MNAT1: variants seen among roughly 807,000 people sequenced by gnomAD.
The protein encoded by MNAT1 is MNAT1 component of CDK activating kinase.
A neutral mutation model predicts 42.0 loss-of-function variants in MNAT1; 43 were observed. The ratio of observed to expected loss-of-function variants is 1.02; its 90% CI spans 0.80 to 1.32. The LOEUF (loss-of-function observed/expected upper bound fraction) is 1.32. Ranked by LOEUF, MNAT1 falls within the 40% of genes most tolerant of loss-of-function variation. The probability of loss-of-function intolerance (pLI) is 0.00; values close to 1 mark genes in which losing one functional copy is unlikely to be tolerated. For synonymous variants in MNAT1, 118 were observed against 120.0 expected (o/e 0.98, Z 0.11); for missense variants, 306 against 350.4 (o/e 0.87, Z 1.01).
rs202223643 is a variant in MNAT1 at position 60,808,307 on chromosome 14, G to A, written c.317-18G>A. 2.3e-5 allele frequency: 33 copies of A among 1,462,250 alleles called. 1 individual carries two copies. In the Admixed American group the frequency reaches 3.3e-4, roughly 15 times the overall value. 90.6% of individuals were successfully genotyped at this position (1,462,250 alleles called of 1,614,324 possible). On this transcript the variant is annotated intron_variant, in intron 3 of 7. Coordinates refer to ENST00000261245, the MANE Select transcript of MNAT1 (RefSeq NM_002431.4). ...TATTAAAAATATTTTTCATGTCATC[G>A]TTTCCTTTCTAATGCAGTTTTCAAC...
At chr14:60,867,111 A>G (rs753851481) in intron 6 of MNAT1, among the ~76,000 whole-genome samples, 1 of 152,086 alleles carries the variant, frequency 6.6e-6, no homozygotes, top group Non-Finnish European at 1.5e-5. Context: ...TTGCCAAGTG[A>G]AGATGTATTT....
intron 7 of MNAT1, among the ~76,000 whole-genome samples, chr14:60,930,206 T>TTTATTATTATCA (rs2035857555): frequency 7.2e-6 from 1 of 138,750 alleles, no homozygotes; most frequent in African/African-American, 2.6e-5. Flanking sequence ...TTCTTCCGTC[T>TTTATTATTATCA]TTATTATTAT....
chr14:60,957,207 A>C (rs554453469), intron 7 of MNAT1, among the ~76,000 whole-genome samples: 70 of 152,220 alleles, frequency 4.6e-4, no homozygotes, highest in African/African-American at 1.3e-3. Context: ...TACATAAAAC[A>C]TCTTATAGTT....
chr14:60,879,006 A>G lies in MNAT1; in HGVS notation c.688-708A>G, dbSNP rs553192830. Among the ~76,000 whole-genome samples, 8 of 151,198 alleles carry G rather than the reference A, an allele frequency of 5.3e-5. No homozygotes were observed. In the East Asian group the frequency reaches 1.5e-3, roughly 29 times the overall value. Reference sequence around the variant, plus strand: ...TTGCCTATTGTTTCTGCTGTTAATCATCAGTCCTTTTCAATTAGGGCATGA... The same window carrying G: ...TTGCCTATTGTTTCTGCTGTTAATCGTCAGTCCTTTTCAATTAGGGCATGA... On this transcript the variant is annotated intron_variant, in intron 6 of 7. Transcript: ENST00000261245.
intron 1 of MNAT1, among the ~76,000 whole-genome samples, chr14:60,785,822 C>A (rs1272015946): frequency 6.6e-6 from 1 of 152,130 alleles, no homozygotes; most frequent in Admixed American, 6.5e-5. Flanking sequence ...GGATAGCCAA[C>A]TGTTTAGCTT....
At position 60,968,254 on chromosome 14, in the gene MNAT1, T is replaced by C; in HGVS notation, c.835T>C (p.Ser279Pro). The part of the protein sequence containing the change: ...LGYLNHVRAA[S>P]PQDLAGGYTS... Reference sequence around the variant, plus strand: ...GTATTTAAACCATGTCAGAGCTGCCTCACCACAGGACCTTGCTGGAGGCTA... The same window carrying C: ...GTATTTAAACCATGTCAGAGCTGCCCCACCACAGGACCTTGCTGGAGGCTA... The change falls in exon 8 of 8, where the codon TCA (serine) becomes CCA (proline). Residue 279 changes from serine to proline, a missense_variant. By Grantham distance (74) the Ser-to-Pro change is moderately conservative. Transcript: ENST00000261245. 2 of 1,613,428 alleles carry C rather than the reference T, an allele frequency of 1.2e-6. No individual in the cohort carries two copies. Among genetic ancestry groups the C allele is most frequent in the Non-Finnish European group, 1.7e-6 (2 of 1,179,730 alleles).
chr14:60,957,311 A>G (rs2036504156), intron 7 of MNAT1, among the ~76,000 whole-genome samples: 1 of 152,192 alleles, frequency 6.6e-6, no homozygotes, highest in Non-Finnish European at 1.5e-5. Context: ...GAGACTGGGT[A>G]ATTTATAAAG....
chr14:60,796,514 T>C, intron 2 of MNAT1, 145 bp downstream of exon 2: 1 of 708,040 alleles, frequency 1.4e-6, no homozygotes, highest in Non-Finnish European at 2.2e-6. Flanking sequence ...AACTGAGTAA[T>C]ATTATTTATC....
chr14:60,946,602 G>A (rs1347997856), intron 7 of MNAT1, among the ~76,000 whole-genome samples: 1 of 150,542 alleles, frequency 6.6e-6, no homozygotes, highest in Non-Finnish European at 1.5e-5. Context: ...TAAAGTTATT[G>A]TGTGAAGTCA....
chr14:60,960,743 C>G (rs2036571959), intron 7 of MNAT1, among the ~76,000 whole-genome samples: 1 of 152,114 alleles, frequency 6.6e-6, no homozygotes, highest in African/African-American at 2.4e-5. Flanking sequence ...TATTCCCACC[C>G]CCATATCCAC....
At chr14:60,818,653 A>C in intron 5 of MNAT1, 69 bp from the exon 6 acceptor site, 1 of 1,349,744 alleles carries the variant, frequency 7.4e-7, no homozygotes, top group South Asian at 1.8e-5. Flanking sequence ...ACATAATTTA[A>C]AATAAAAGTC....
chr14:60,952,514 G>A (rs543372186), intron 7 of MNAT1, among the ~76,000 whole-genome samples: 3 of 152,000 alleles, frequency 2.0e-5, no homozygotes, highest in Non-Finnish European at 4.4e-5. Flanking sequence ...TGATGTGAGA[G>A]GTAAATAGAT....
At chr14:60,779,164 A>G (rs2031355865) in intron 1 of MNAT1, among the ~76,000 whole-genome samples, 2 of 152,224 alleles carry the variant, frequency 1.3e-5, no homozygotes, top group African/African-American at 4.8e-5. Flanking sequence ...TTATCACGGT[A>G]TGGACAGAGA....
At chr14:60,943,141 G>A (rs373684737) in intron 7 of MNAT1, among the ~76,000 whole-genome samples, 49 of 135,996 alleles carry the variant, frequency 3.6e-4, no homozygotes, top group East Asian at 9.4e-4. Context: ...TGCAACCTCC[G>A]CCTCCCAGAG....
chr14:60,916,912 C>A (rs1287004043), intron 7 of MNAT1, among the ~76,000 whole-genome samples: 1 of 152,074 alleles, frequency 6.6e-6, no homozygotes, highest in Non-Finnish European at 1.5e-5. Flanking sequence ...GAAATCCTGC[C>A]ACTGCATTCC....
At chr14:60,782,864 A>G (rs948421014) in intron 1 of MNAT1, among the ~76,000 whole-genome samples, 7 of 152,200 alleles carry the variant, frequency 4.6e-5, no homozygotes, top group African/African-American at 1.7e-4. Flanking sequence ...TTGCTCAGGA[A>G]TGAATTTACC....
At chr14:60,955,886 T>G (rs748241144) in intron 7 of MNAT1, among the ~76,000 whole-genome samples, 3 of 152,136 alleles carry the variant, frequency 2.0e-5, no homozygotes, top group Non-Finnish European at 4.4e-5. Context: ...TTTATGTATT[T>G]GAGTCTTCTT....
At chr14:60,890,579 A>G (rs959809818) in intron 7 of MNAT1, among the ~76,000 whole-genome samples, 5 of 152,214 alleles carry the variant, frequency 3.3e-5, no homozygotes, top group African/African-American at 4.8e-5. Context: ...TCTCAAAAGT[A>G]GGGAAGCCGA....
At chr14:60,783,216 T>A (rs1227580312) in intron 1 of MNAT1, among the ~76,000 whole-genome samples, 3 of 152,192 alleles carry the variant, frequency 2.0e-5, no homozygotes, top group Non-Finnish European at 4.4e-5. Context: ...CTCCTGGTTC[T>A]GAAGCTGTGG....
Sources: allele counts gnomAD v4.1 joint callset (sites outside exome capture counted in the v4.1 genomes callset), GRCh38; gene constraint gnomAD v4.1.1; transcripts MANE v1.5; gene names NCBI Gene and HGNC (gene_info 2026-07-23, HGNC 2026-07-21).